Variants in CDH12 observed in about 807,000 individuals in gnomAD.
The protein encoded by CDH12 is cadherin 12, also known as cadherin-12.
A neutral mutation model predicts 74.1 loss-of-function variants in CDH12; 41 were observed. That is an observed-to-expected ratio of 0.55 (90% CI 0.43 to 0.72). The LOEUF is 0.72. Ranked by LOEUF, CDH12 falls within the 30% of genes least tolerant of loss-of-function variation. CDH12 has a pLI of 0.00. For missense variants in CDH12, 945 were observed against 977.2 expected, an observed-to-expected ratio of 0.97 and a Z score of 0.44; for synonymous variants, 399 against 355.0, an observed-to-expected ratio of 1.12 and a Z score of -1.39.
At chr5:22,710,883 G>C (rs1443344455) in intron 1 of CDH12, among the ~76,000 whole-genome samples, 1 of 152,044 alleles carries the variant, frequency 6.6e-6, no homozygotes, top group African/African-American at 2.4e-5. Context: ...TAGGATTCTT[G>C]TGAGGGTTCA....
chr5:21,882,365 A>C (rs2150034225), intron 6 of CDH12, among the ~76,000 whole-genome samples: 1 of 152,348 alleles, frequency 6.6e-6, no homozygotes, highest in East Asian at 1.9e-4. Flanking sequence ...TTACTTTATC[A>C]GTATTTCAAA....
chr5:22,683,117 A>C (rs1271208096), intron 1 of CDH12, among the ~76,000 whole-genome samples: 1 of 152,172 alleles, frequency 6.6e-6, no homozygotes, highest in Non-Finnish European at 1.5e-5. Flanking sequence ...GCCATTTCTT[A>C]AACAGACAGC....
intron 3 of CDH12, among the ~76,000 whole-genome samples, chr5:22,249,383 G>T (rs1210683784): frequency 6.6e-6 from 1 of 152,160 alleles, no homozygotes; most frequent in African/African-American, 2.4e-5. Flanking sequence ...GGCGGGAGGC[G>T]ATAAGGTAGT....
At chr5:22,632,367 AAATT>A (rs1022401911) in intron 1 of CDH12, among the ~76,000 whole-genome samples, 3 of 152,198 alleles carry the variant, frequency 2.0e-5, no homozygotes, top group African/African-American at 7.2e-5. Flanking sequence ...AAATACAAAT[AAATT>A]AAGTAATTAA....
At chr5:21,815,760 GT>G (rs1269520883) in intron 9 of CDH12, among the ~76,000 whole-genome samples, 1 of 152,052 alleles carries the variant, frequency 6.6e-6, no homozygotes, top group African/African-American at 2.4e-5. Context: ...TGCTTCCACT[GT>G]GATATCAACC....
At chr5:22,258,251 T>C (rs1753388410) in intron 3 of CDH12, among the ~76,000 whole-genome samples, 1 of 152,072 alleles carries the variant, frequency 6.6e-6, no homozygotes, top group South Asian at 2.1e-4. Flanking sequence ...AAACAGCCCA[T>C]AAAAACCCAT....
chr5:22,639,715 A>G (rs757428973), intron 1 of CDH12, among the ~76,000 whole-genome samples: 1 of 152,100 alleles, frequency 6.6e-6, no homozygotes, highest in Non-Finnish European at 1.5e-5. Context: ...CAGTTTGCTG[A>G]TTCTCTCCCC....
intron 1 of CDH12, among the ~76,000 whole-genome samples, chr5:22,787,739 C>T (rs904853594): frequency 2.0e-5 from 3 of 152,088 alleles, no homozygotes; most frequent in Admixed American, 1.3e-4. Context: ...TTTTAAGGTT[C>T]AACTGGGAAA....
At chr5:22,432,561 G>A (rs1744216080) in intron 2 of CDH12, among the ~76,000 whole-genome samples, 1 of 147,154 alleles carries the variant, frequency 6.8e-6, no homozygotes, top group Non-Finnish European at 1.5e-5. Flanking sequence ...GTGTGTGTGT[G>A]CGTGTGTGTG....
At chr5:22,173,958 A>G (rs147720130) in intron 4 of CDH12, among the ~76,000 whole-genome samples, 3,970 of 152,058 alleles carry the variant, frequency 0.026, 68 homozygotes, top group African/African-American at 0.045. Context: ...TTTGGCCAGG[A>G]ATCACTTTTG....
intron 14 of CDH12, among the ~76,000 whole-genome samples, chr5:21,755,034 A>AGT (rs1744306969): frequency 6.6e-6 from 1 of 152,236 alleles, no homozygotes; most frequent in African/African-American, 2.4e-5. Context: ...AGGAGATGCA[A>AGT]GAAAGTGGAA....
At chr5:22,667,916 G>A (rs983582113) in intron 1 of CDH12, among the ~76,000 whole-genome samples, 4 of 152,080 alleles carry the variant, frequency 2.6e-5, no homozygotes, top group Admixed American at 2.6e-4. Context: ...AAATAAATGT[G>A]CTTAATATCA....
chr5:22,535,243 T>C (rs417856), intron 1 of CDH12, among the ~76,000 whole-genome samples: 85,003 of 146,386 alleles, frequency 0.58, 24,919 homozygotes, highest in Admixed American at 0.7. Flanking sequence ...CAAGCTCCGC[T>C]TCCCGGGTTC....
At chr5:22,029,306 A>G (rs1253701199) in intron 5 of CDH12, among the ~76,000 whole-genome samples, 1 of 152,178 alleles carries the variant, frequency 6.6e-6, no homozygotes, top group Non-Finnish European at 1.5e-5. Context: ...AAAAGAAACT[A>G]CCATCAGAGT....
In CDH12 at chr5:21,904,127, C is replaced by T. The variant is rs115267456; in HGVS notation, c.527-49337G>A. On this transcript the variant is annotated intron_variant, in intron 6 of 14. Coordinates refer to ENST00000382254, the MANE Select transcript of CDH12 (RefSeq NM_004061.5). ...TACTGTCTGCATTGCTGATTTCCTG[C>T]CCTAAATTCTGCTAATAAACTTCAT... 4.2e-3 allele frequency among the ~76,000 whole-genome samples: 632 copies of T among 152,212 alleles called. 3 individuals are homozygous for T. The highest frequency in any genetic ancestry group is 0.014 in the African/African-American group (595 of 41,534).
chr5:22,704,729 A>G (rs1395996786), intron 1 of CDH12, among the ~76,000 whole-genome samples: 1 of 152,086 alleles, frequency 6.6e-6, no homozygotes, highest in Non-Finnish European at 1.5e-5. Context: ...TATGTTCTTT[A>G]GAGAACTATA....
intron 3 of CDH12, among the ~76,000 whole-genome samples, chr5:22,258,649 T>C (rs1580454858): frequency 6.6e-6 from 1 of 152,250 alleles, no homozygotes; most frequent in African/African-American, 2.4e-5. Context: ...ATGATAGGTG[T>C]CCCTTACAGG....
At chr5:22,374,037 T>C (rs536804126) in intron 3 of CDH12, among the ~76,000 whole-genome samples, 97 of 152,252 alleles carry the variant, frequency 6.4e-4, no homozygotes, top group African/African-American at 2.3e-3. Context: ...ATATCTCTGA[T>C]GAACACAGAT....
At chr5:22,700,465 C>T (rs1032838789) in intron 1 of CDH12, among the ~76,000 whole-genome samples, 1 of 152,186 alleles carries the variant, frequency 6.6e-6, no homozygotes. Flanking sequence ...ATTACTTTAC[C>T]TCTTGCCAAT....
Sources: allele counts gnomAD v4.1 joint callset (sites outside exome capture counted in the v4.1 genomes callset), GRCh38; gene constraint gnomAD v4.1.1; transcripts MANE v1.5; gene names NCBI Gene and HGNC (gene_info 2026-07-23, HGNC 2026-07-21).